Variants in SLCO6A1 observed in about 807,000 individuals in gnomAD.
SLCO6A1 encodes cancer/testis antigen 48.
In SLCO6A1, 65 loss-of-function variants were observed where a neutral mutation model predicts 72.7. That is an observed-to-expected ratio of 0.89 (90% CI 0.73 to 1.10). The LOEUF (loss-of-function observed/expected upper bound fraction) is 1.10. SLCO6A1 is among the 50% of genes least tolerant of loss of function. The probability of loss-of-function intolerance (pLI) is 0.00; values close to 1 mark genes in which losing one functional copy is unlikely to be tolerated. For missense variants in SLCO6A1, 874 were observed against 872.6 expected (o/e 1.00, Z -0.02); for synonymous variants, 314 against 298.2 (o/e 1.05, Z -0.55).
Position 102,498,238 on chromosome 5 carries a change from A to G in SLCO6A1, c.358+249T>C, listed in dbSNP as rs567070711. ...CCGCACAGCCGGCTCTGCGTGCCTT[A>G]CTCTTTCTCCATGGCAATTCCCCTT... On this transcript the variant is annotated intron_variant, in intron 1 of 13. Transcript: ENST00000506729. 7.9e-5 allele frequency among the ~76,000 whole-genome samples: 12 copies of G among 151,788 alleles called. No homozygotes were observed. In the South Asian group the frequency reaches 2.3e-3, roughly 29 times the overall value.
chr5:102,462,951 A>G (rs557504742), intron 4 of SLCO6A1, among the ~76,000 whole-genome samples: 2 of 152,354 alleles, frequency 1.3e-5, no homozygotes, highest in South Asian at 2.1e-4. Flanking sequence ...AAGCTTCTGC[A>G]CAGCAAAAGA....
At position 102,433,989 on chromosome 5, in the gene SLCO6A1, T is replaced by G. The variant is rs1198207784; in HGVS notation, c.1276+4628A>C. Among the ~76,000 whole-genome samples the G allele has an allele frequency of 2.0e-5, 3 of 152,254 alleles. No homozygotes were observed. The East Asian group carries it at 5.8e-4, about 29-fold the overall frequency. ...GTATCTTTCGTCTATCCTTTCACTT[T>G]CAACCTTTTCATGTCCCCATATTTA... On this transcript the variant is annotated intron_variant, in intron 7 of 13. Coordinates refer to ENST00000506729, the MANE Select transcript of SLCO6A1 (RefSeq NM_173488.5).
Position 102,427,872 on chromosome 5 carries a change from T to A in SLCO6A1, c.1277-7851A>T, listed in dbSNP as rs1168445843. Among the ~76,000 whole-genome samples the A allele has an allele frequency of 8.8e-3, 966 of 109,756 alleles. 6 individuals are homozygous for A. Among genetic ancestry groups the A allele is most frequent in the African/African-American group, 0.038 (923 of 24,252 alleles). The allele number at this position is 109,756 out of a possible 152,430, so 72.0% of individuals were successfully genotyped here. A position where few individuals can be genotyped will look rare whatever the true frequency, so the allele number is the denominator to read the frequency against. On this transcript the variant is annotated intron_variant, in intron 7 of 13. Transcript: ENST00000506729. ...TATATATATATATATATATTTTTTT[T>A]TTTTTTTTTTTTTTTGAGACCGAGT...
At chr5:102,389,629 T>C in intron 11 of SLCO6A1, among the ~76,000 whole-genome samples, 1 of 150,882 alleles carries the variant, frequency 6.6e-6, no homozygotes, top group Non-Finnish European at 1.5e-5. Context: ...GATAGTACTA[T>C]TTTTAATTAC....
intron 7 of SLCO6A1, among the ~76,000 whole-genome samples, chr5:102,423,952 T>C (rs982959673): frequency 3.3e-5 from 5 of 152,110 alleles, no homozygotes; most frequent in African/African-American, 1.2e-4. Context: ...CCAAATTAGA[T>C]CTCAGGATTA....
chr5:102,459,617 T>A (rs1340451784), intron 5 of SLCO6A1, 39 bp downstream of exon 5: 2 of 1,546,210 alleles, frequency 1.3e-6, no homozygotes, highest in Non-Finnish European at 1.7e-6. Context: ...TGGAAGAAAC[T>A]ACTATCCTCC....
chr5:102,437,801 T>C (rs1749625609), intron 7 of SLCO6A1, among the ~76,000 whole-genome samples: 1 of 152,182 alleles, frequency 6.6e-6, no homozygotes, highest in Non-Finnish European at 1.5e-5. Context: ...CCTATTAATA[T>C]AGTCTCTTAC....
chr5:102,493,451 TA>T (rs1752776041), intron 1 of SLCO6A1, among the ~76,000 whole-genome samples: 1 of 152,088 alleles, frequency 6.6e-6, no homozygotes, highest in Admixed American at 6.5e-5. Context: ...CAACACCAAT[TA>T]ATGACAAAAA....
chr5:102,485,053 A>G (rs1580516736), intron 1 of SLCO6A1, among the ~76,000 whole-genome samples: 1 of 151,820 alleles, frequency 6.6e-6, no homozygotes, highest in Admixed American at 6.6e-5. Context: ...GGAGTTCGAG[A>G]CCAGCCTAAC....
At chr5:102,477,539 G>C (rs1751965252) in intron 3 of SLCO6A1, 137 bp downstream of exon 3, 2 of 651,290 alleles carry the variant, frequency 3.1e-6, no homozygotes, top group Non-Finnish European at 5.0e-6. Context: ...GTGATTTGGA[G>C]GTTTAGCATA....
At chr5:102,434,869 G>A (rs1225405568) in intron 7 of SLCO6A1, among the ~76,000 whole-genome samples, 1 of 152,022 alleles carries the variant, frequency 6.6e-6, no homozygotes, top group Non-Finnish European at 1.5e-5. Flanking sequence ...ACAGATAACA[G>A]TTCCAGCAAT....
intron 4 of SLCO6A1, among the ~76,000 whole-genome samples, chr5:102,466,612 A>G (rs1411716943): frequency 6.6e-6 from 1 of 152,098 alleles, no homozygotes; most frequent in Admixed American, 6.6e-5. Context: ...GTCTTCCACA[A>G]TGGTTGAACT....
chr5:102,418,970 A>G (rs534900801), intron 8 of SLCO6A1, among the ~76,000 whole-genome samples: 7 of 151,900 alleles, frequency 4.6e-5, no homozygotes, highest in Admixed American at 1.3e-4. Context: ...CTATGTACTA[A>G]TTTTTTTCTC....
At chr5:102,391,125 A>G in intron 10 of SLCO6A1, 80 bp from the exon 11 acceptor site, 2 of 1,150,796 alleles carry the variant, frequency 1.7e-6, no homozygotes, top group Admixed American at 4.3e-5. Flanking sequence ...AAGGCTAATC[A>G]TTTTTTTTTT....
chr5:102,459,779 T>C lies in SLCO6A1; in HGVS notation c.900-2A>G. The C allele has an allele frequency of 6.4e-7, 1 of 1,566,604 alleles. No homozygotes were observed. Among genetic ancestry groups the C allele is most frequent in the Non-Finnish European group, 8.6e-7 (1 of 1,165,460 alleles). On this transcript the variant is annotated splice_acceptor_variant, in intron 4 of 13. Transcript: ENST00000506729. LOFTEE classifies it high-confidence loss of function. Reference sequence around the variant, plus strand: ...GGACTACCATTATTGACTGTAGTGCTTTAATAAAGAAAAGTGAAAAAAAAA... The same window carrying C: ...GGACTACCATTATTGACTGTAGTGCCTTAATAAAGAAAAGTGAAAAAAAAA...
chr5:102,379,730 A>G (rs1173193749), intron 12 of SLCO6A1, among the ~76,000 whole-genome samples: 1 of 148,748 alleles, frequency 6.7e-6, no homozygotes, highest in Non-Finnish European at 1.5e-5. Flanking sequence ...AGTAATTCTT[A>G]CCCTTTAGCT....
intron 1 of SLCO6A1, among the ~76,000 whole-genome samples, chr5:102,483,770 G>A (rs538845453): frequency 6.6e-6 from 1 of 152,246 alleles, no homozygotes; most frequent in Admixed American, 6.5e-5. Flanking sequence ...TGGCAAAGAA[G>A]GTACAGGATT....
chr5:102,458,169 T>C (rs1162679632), intron 6 of SLCO6A1, among the ~76,000 whole-genome samples: 1 of 152,048 alleles, frequency 6.6e-6, no homozygotes, highest in Non-Finnish European at 1.5e-5. Context: ...AGTTACTGGG[T>C]TCAGCACACC....
Position 102,477,857 on chromosome 5 carries a change from A to T in SLCO6A1, c.621T>A (p.Ile207=). ...CACTGACAACCTTTATTTCTTCGCAAATATCTTTTGAAAATACAATGATTA... is the reference window on the plus strand; with the variant it reads ...CACTGACAACCTTTATTTCTTCGCATATATCTTTTGAAAATACAATGATTA... ...NKQSKVGIED[I]CEEIKVVSGC... is the part of the protein sequence containing the mutation. The change falls in exon 3 of 14, where the codon ATT becomes ATA. Residue 207 remains isoleucine (I), a synonymous_variant. Coordinates refer to ENST00000506729, the MANE Select transcript of SLCO6A1 (RefSeq NM_173488.5). The T allele has an allele frequency of 6.3e-7, 1 of 1,593,654 alleles. No individual in the cohort carries two copies. The highest frequency in any genetic ancestry group is 8.6e-7 in the Non-Finnish European group (1 of 1,168,884).
Sources: allele counts gnomAD v4.1 joint callset (sites outside exome capture counted in the v4.1 genomes callset), GRCh38; gene constraint gnomAD v4.1.1; transcripts MANE v1.5; gene names NCBI Gene and HGNC (gene_info 2026-07-23, HGNC 2026-07-21).